The following PHACTR4 variants were observed in gnomAD, a reference collection of about 807,000 sequenced individuals.
PHACTR4 encodes the protein phosphatase and actin regulator 4.
A neutral mutation model predicts 72.7 loss-of-function variants in PHACTR4; 51 were observed. That is an observed-to-expected ratio of 0.70 (90% CI 0.56 to 0.89). The LOEUF is 0.89. Ranked by LOEUF, PHACTR4 falls within the 40% of genes least tolerant of loss-of-function variation. The pLI is 0.00. For synonymous variants in PHACTR4, 255 were observed against 302.5 expected (o/e 0.84, Z 1.63); for missense variants, 731 against 861.8 (o/e 0.85, Z 1.90).
intron 6 of PHACTR4, among the ~76,000 whole-genome samples, chr1:28,471,834 T>G (rs1463720171): frequency 6.6e-6 from 1 of 151,998 alleles, no homozygotes; most frequent in African/African-American, 2.4e-5. Context: ...TGCCCTGCCA[T>G]CAAGGAGCCC....
At chr1:28,434,196 T>A (rs988642556) in intron 2 of PHACTR4, among the ~76,000 whole-genome samples, 8 of 152,084 alleles carry the variant, frequency 5.3e-5, no homozygotes, top group Non-Finnish European at 1.0e-4. Context: ...AGTCCGGGAG[T>A]CAGACTAAGG....
At chr1:28,428,875 G>A (rs1656040300) in intron 2 of PHACTR4, among the ~76,000 whole-genome samples, 1 of 152,142 alleles carries the variant, frequency 6.6e-6, no homozygotes, top group South Asian at 2.1e-4. Context: ...TCATTTTACA[G>A]ATGTGTAAAC....
chr1:28,389,116 G>T (rs1274569810), intron 1 of PHACTR4, among the ~76,000 whole-genome samples: 2 of 151,084 alleles, frequency 1.3e-5, no homozygotes, highest in Non-Finnish European at 2.9e-5. Context: ...CTATATGTAT[G>T]ATTAGAGGTT....
chr1:28,397,969 T>C (rs903925356), intron 1 of PHACTR4, among the ~76,000 whole-genome samples: 3 of 151,878 alleles, frequency 2.0e-5, no homozygotes, highest in African/African-American at 7.2e-5. Context: ...CGCCTCGGCC[T>C]CCCAAAGTGC....
intron 2 of PHACTR4, among the ~76,000 whole-genome samples, chr1:28,417,716 G>A (rs1212466703): frequency 6.6e-6 from 1 of 152,204 alleles, no homozygotes; most frequent in Non-Finnish European, 1.5e-5. Flanking sequence ...TGCAGAAAGT[G>A]AAACCACAGA....
At chr1:28,455,293 A>C (rs1332943008) in intron 2 of PHACTR4, among the ~76,000 whole-genome samples, 2 of 135,388 alleles carry the variant, frequency 1.5e-5, no homozygotes, top group Non-Finnish European at 3.1e-5. Flanking sequence ...CCGCCTCCCA[A>C]GTTCAAGATT....
chr1:28,496,481 A>G (rs1661369643), intron 13 of PHACTR4, 53 bp from the exon 14 acceptor site: 1 of 1,592,674 alleles, frequency 6.3e-7, no homozygotes, highest in Non-Finnish European at 8.6e-7. Context: ...ATACATTAAT[A>G]GCAAAGCAAT....
intron 2 of PHACTR4, chr1:28,438,258 C>T: frequency 1.4e-6 from 2 of 1,445,366 alleles, no homozygotes; most frequent in African/African-American, 1.4e-5. Flanking sequence ...TATGCCATTT[C>T]CTGATGTTTG....
intron 1 of PHACTR4, among the ~76,000 whole-genome samples, chr1:28,376,471 A>G (rs1651682969): frequency 6.8e-6 from 1 of 146,844 alleles, no homozygotes; most frequent in Non-Finnish European, 1.5e-5. Flanking sequence ...ATGCACCACC[A>G]TGCCTGGCTA....
At chr1:28,440,518 C>T (rs1329874257) in intron 2 of PHACTR4, among the ~76,000 whole-genome samples, 1 of 148,036 alleles carries the variant, frequency 6.8e-6, no homozygotes, top group African/African-American at 2.5e-5. Flanking sequence ...GCCTCAGCCT[C>T]CCGAGTAGCT....
intron 2 of PHACTR4, chr1:28,438,377 A>G (rs757255250): frequency 2.9e-5 from 46 of 1,611,904 alleles, no homozygotes; most frequent in Admixed American, 3.4e-5. Context: ...ACATCAGACA[A>G]TATAATCATG....
chr1:28,429,123 A>C (rs751271040), intron 2 of PHACTR4, among the ~76,000 whole-genome samples: 1 of 152,160 alleles, frequency 6.6e-6, no homozygotes, highest in Non-Finnish European at 1.5e-5. Context: ...AACCAGTATT[A>C]TTTGTGGTAA....
At chr1:28,417,683 A>G (rs1655191311) in intron 2 of PHACTR4, among the ~76,000 whole-genome samples, 1 of 152,240 alleles carries the variant, frequency 6.6e-6, no homozygotes, top group Admixed American at 6.5e-5. Flanking sequence ...TTTGGACTGC[A>G]GTCAACCACA....
intron 2 of PHACTR4, among the ~76,000 whole-genome samples, chr1:28,458,371 CT>C (rs1031152957): frequency 6.6e-6 from 1 of 152,076 alleles, no homozygotes; most frequent in African/African-American, 2.4e-5. Context: ...TGATCTCAAG[CT>C]CCTGAGCTTA....
chr1:28,426,161 C>T (rs1011011107), intron 2 of PHACTR4, among the ~76,000 whole-genome samples: 2 of 150,410 alleles, frequency 1.3e-5, no homozygotes, highest in African/African-American at 2.5e-5. Context: ...GCGGAGGTTG[C>T]GGTGAGCTGA....
At chr1:28,493,812 G>C (rs1002027600) in intron 13 of PHACTR4, among the ~76,000 whole-genome samples, 4 of 152,152 alleles carry the variant, frequency 2.6e-5, no homozygotes, top group Admixed American at 2.6e-4. Flanking sequence ...TGCTAAGTTA[G>C]ACAAGATCTT....
intron 1 of PHACTR4, among the ~76,000 whole-genome samples, chr1:28,380,768 G>A (rs1232207420): frequency 4.6e-5 from 7 of 151,936 alleles, no homozygotes; most frequent in African/African-American, 1.2e-4. Flanking sequence ...GGTTGATTCC[G>A]TGTCTTTGCT....
At chr1:28,485,094 G>A (rs1335376406) in intron 9 of PHACTR4, among the ~76,000 whole-genome samples, 1 of 152,156 alleles carries the variant, frequency 6.6e-6, no homozygotes, top group Non-Finnish European at 1.5e-5. Flanking sequence ...GCCAGTCACA[G>A]AACAATAAAT....
chr1:28,379,588 C>G (rs1651973385), intron 1 of PHACTR4, among the ~76,000 whole-genome samples: 1 of 140,518 alleles, frequency 7.1e-6, no homozygotes. Context: ...CCTATAATTT[C>G]TTTTCTTTTT....
Sources: gnomAD v4.1 joint callset for allele counts (sites outside exome capture counted in the v4.1 genomes callset) on GRCh38, gnomAD v4.1.1 for gene constraint, MANE v1.5 for transcripts, NCBI Gene and HGNC (gene_info 2026-07-23, HGNC 2026-07-21) for gene names.